CEP63: variants seen among roughly 807,000 people sequenced by gnomAD.
CEP63 encodes the protein centrosomal protein 63.
A neutral mutation model predicts 89.1 loss-of-function variants in CEP63; 84 were observed. That is an observed-to-expected ratio of 0.94 (90% CI 0.79 to 1.13). CEP63 has a LOEUF of 1.13. Ranked by LOEUF, CEP63 falls within the 50% of genes most tolerant of loss-of-function variation. CEP63 has a pLI of 0.00. For synonymous variants in CEP63, 267 were observed against 272.5 expected, an observed-to-expected ratio of 0.98 and a Z score of 0.20; for missense variants, 838 against 813.3, an observed-to-expected ratio of 1.03 and a Z score of -0.37.
intron 8 of CEP63, among the ~76,000 whole-genome samples, chr3:134,546,627 G>T (rs1477983777): frequency 6.6e-6 from 1 of 152,172 alleles, no homozygotes; most frequent in East Asian, 1.9e-4. Flanking sequence ...AAAGTGCTGG[G>T]ATTACAGGTG....
At chr3:134,746,547 A>G in the CEP63 span, among the ~76,000 whole-genome samples, 1 of 152,222 alleles carries the variant, frequency 6.6e-6, no homozygotes, top group Non-Finnish European at 1.5e-5. Context: ...AACAGTGTAA[A>G]AGCATTTCCA....
chr3:134,592,514 G>GTGTGTGTGTGTA (rs1491059964), downstream of CEP63, among the ~76,000 whole-genome samples: 1 of 145,600 alleles, frequency 6.9e-6, no homozygotes. Flanking sequence ...GTGTGTGTGT[G>GTGTGTGTGTGTA]TATGGAGGAA....
Position 134,545,667 on chromosome 3 carries a change from C to A in CEP63, c.637C>A (p.Leu213Met). ...AGAAATTCAACACTTAAGCAGTAAA[C>A]TGGAGCGGGCTAATGACACTATCTG... ...QSEIQHLSSK[L>M]ERANDTICAN... is the part of the protein sequence containing the mutation. Residue 213 changes from leucine (L) to methionine (M), a missense_variant, in exon 7 of 15, where the codon CTG becomes ATG. Leu to Met is a conservative substitution (Grantham distance 15). Transcript: ENST00000675561. The A allele has an allele frequency of 6.2e-7, 1 of 1,614,056 alleles. No individual in the cohort carries two copies. Among genetic ancestry groups the A allele is most frequent in the African/African-American group, 1.3e-5 (1 of 75,026 alleles).
At chr3:134,733,702 C>G in the CEP63 span, among the ~76,000 whole-genome samples, 2 of 151,416 alleles carry the variant, frequency 1.3e-5, no homozygotes, top group African/African-American at 4.9e-5. Flanking sequence ...GGATTGCCAG[C>G]AAAGCACCAG....
At chr3:134,528,542 G>C (rs1279310623) in intron 3 of CEP63, among the ~76,000 whole-genome samples, 1 of 148,802 alleles carries the variant, frequency 6.7e-6, no homozygotes, top group Non-Finnish European at 1.5e-5. Flanking sequence ...ACTACTGAAA[G>C]CTTAAGGAGG....
At chr3:134,667,067 C>T in the CEP63 span, among the ~76,000 whole-genome samples, 2 of 152,214 alleles carry the variant, frequency 1.3e-5, no homozygotes, top group African/African-American at 2.4e-5. Context: ...CCCATCCAAT[C>T]GGTGTCCGAG....
chr3:134,584,703 AG>A (rs1958440355), intron 10 of CEP63, among the ~76,000 whole-genome samples: 1 of 152,158 alleles, frequency 6.6e-6, no homozygotes, highest in Non-Finnish European at 1.5e-5. Flanking sequence ...AAAATGAGTT[AG>A]GGAGGATCCC....
the CEP63 span, among the ~76,000 whole-genome samples, chr3:134,742,986 G>C: frequency 6.6e-6 from 1 of 152,200 alleles, no homozygotes; most frequent in African/African-American, 2.4e-5. Context: ...AACAGCCCAG[G>C]CTCTGTCTCT....
In CEP63 at chr3:134,495,288, T is replaced by C. The variant is rs374553573; in HGVS notation, c.-25-8T>C. ...TTGTCTCATGACTGATATTTTTTTC[T>C]TTGTCAGTTGCCAAAACAAAGGGGA... On this transcript the variant is annotated splice_polypyrimidine_tract_variant and splice_region_variant and intron_variant, in intron 1 of 14. Transcript: ENST00000675561. 94 of 1,605,732 alleles carry C rather than the reference T, an allele frequency of 5.9e-5. No homozygotes were observed. The highest frequency in any genetic ancestry group is 6.9e-5 in the Non-Finnish European group (81 of 1,172,618).
chr3:134,594,435 T>A, the CEP63 span, among the ~76,000 whole-genome samples: 1 of 152,100 alleles, frequency 6.6e-6, no homozygotes, highest in Admixed American at 6.5e-5. Flanking sequence ...CAGTCAGCCA[T>A]TCCCCCTGAT....
At chr3:134,673,300 T>A in the CEP63 span, among the ~76,000 whole-genome samples, 1 of 151,888 alleles carries the variant, frequency 6.6e-6, no homozygotes, top group Middle Eastern at 3.2e-3. Flanking sequence ...CAACCTGACG[T>A]CCCCCCTCCA....
chr3:134,718,720 T>C, the CEP63 span, among the ~76,000 whole-genome samples: 1 of 152,344 alleles, frequency 6.6e-6, no homozygotes, highest in South Asian at 2.1e-4. Context: ...GTTACCTTCT[T>C]CTAGACAAAC....
chr3:134,501,457 C>G (rs922163622), intron 2 of CEP63, among the ~76,000 whole-genome samples: 4 of 152,176 alleles, frequency 2.6e-5, no homozygotes, highest in African/African-American at 9.7e-5. Flanking sequence ...TCTTCTAATC[C>G]ATGAGCATGG....
the CEP63 span, among the ~76,000 whole-genome samples, chr3:134,776,717 C>T: frequency 6.6e-6 from 1 of 152,126 alleles, no homozygotes; most frequent in Non-Finnish European, 1.5e-5. Flanking sequence ...GTGCTGGAGG[C>T]CTGGAGGTCC....
chr3:134,659,938 A>G, the CEP63 span, among the ~76,000 whole-genome samples: 2 of 152,320 alleles, frequency 1.3e-5, no homozygotes, highest in East Asian at 3.9e-4. Context: ...CAGAGCTTCT[A>G]ATAGGAGCCA....
At chr3:134,689,520 C>G in the CEP63 span, among the ~76,000 whole-genome samples, 2 of 151,972 alleles carry the variant, frequency 1.3e-5, no homozygotes, top group Non-Finnish European at 2.9e-5. Context: ...GGCATGAGCT[C>G]GGCTCACTGC....
the CEP63 span, among the ~76,000 whole-genome samples, chr3:134,721,255 A>T: frequency 0.019 from 2,355 of 123,618 alleles, 30 homozygotes; most frequent in African/African-American, 0.033. Context: ...CAGCTTTTTT[A>T]AAAAAAATTC....
chr3:134,487,032 ATATGCACAGAG>A (rs1052543763), intron 1 of CEP63, among the ~76,000 whole-genome samples: 22 of 152,328 alleles, frequency 1.4e-4, no homozygotes, highest in African/African-American at 4.6e-4. Context: ...CCGTACGCTG[ATATGCACAGAG>A]TAGTTTTCCC....
chr3:134,555,895 A>G (rs984613535), intron 12 of CEP63, among the ~76,000 whole-genome samples: 1 of 152,086 alleles, frequency 6.6e-6, no homozygotes, highest in Non-Finnish European at 1.5e-5. Flanking sequence ...TACAGTAACC[A>G]AAACAGCATG....
Sources: allele counts gnomAD v4.1 joint callset (sites outside exome capture counted in the v4.1 genomes callset), GRCh38; gene constraint gnomAD v4.1.1; transcripts MANE v1.5; gene names NCBI Gene and HGNC (gene_info 2026-07-23, HGNC 2026-07-21).